Variants in DSCAM observed in about 807,000 individuals in gnomAD.
The protein encoded by DSCAM is cell adhesion molecule DSCAM.
In DSCAM, 47 loss-of-function variants were observed where a neutral mutation model predicts 217.7. The observed-to-expected ratio is 0.22, with a 90% CI of 0.17 to 0.28. The LOEUF (loss-of-function observed/expected upper bound fraction) is 0.28, where lower values mean the gene tolerates loss of function less well. Among genes scored for constraint, DSCAM ranks in the 10% least tolerant of loss-of-function variants. The pLI is 1.00. For missense variants in DSCAM, 2,080 were observed against 2,618.3 expected (o/e 0.79, Z 4.49); for synonymous variants, 1,056 against 1,015.3 (o/e 1.04, Z -0.76).
chr21:40,282,712 T>C (rs923423803), intron 10 of DSCAM, among the ~76,000 whole-genome samples: 1 of 151,486 alleles, frequency 6.6e-6, no homozygotes, highest in African/African-American at 2.4e-5. Context: ...AAAATTTACA[T>C]GAATATCCAT....
At chr21:40,210,841 G>A (rs2091174899) in intron 11 of DSCAM, among the ~76,000 whole-genome samples, 1 of 152,168 alleles carries the variant, frequency 6.6e-6, no homozygotes, top group African/African-American at 2.4e-5. Context: ...CACTGCACCT[G>A]GCCACCTTCA....
intron 4 of DSCAM, among the ~76,000 whole-genome samples, chr21:40,357,851 T>G (rs1473087928): frequency 9.7e-6 from 1 of 103,088 alleles, no homozygotes; most frequent in Non-Finnish European, 1.9e-5. Context: ...CCCTAAAACT[T>G]AAAGTATAAT....
intron 32 of DSCAM, among the ~76,000 whole-genome samples, chr21:40,017,701 A>G (rs146280221): frequency 1.8e-4 from 27 of 151,834 alleles, no homozygotes; most frequent in Non-Finnish European, 3.5e-4. Flanking sequence ...ACAGGCATGC[A>G]CCACCACGCC....
At chr21:40,717,428 C>A (rs969096558) in intron 1 of DSCAM, among the ~76,000 whole-genome samples, 1 of 152,212 alleles carries the variant, frequency 6.6e-6, no homozygotes, top group Non-Finnish European at 1.5e-5. Flanking sequence ...GTGGAAACAG[C>A]CTACATGTCT....
chr21:40,642,500 T>C (rs1292110907), intron 3 of DSCAM, among the ~76,000 whole-genome samples: 1 of 152,186 alleles, frequency 6.6e-6, no homozygotes, highest in African/African-American at 2.4e-5. Context: ...TGCCCCCAGT[T>C]ACAGGAGTTT....
At chr21:40,113,976 G>A (rs984970117) in intron 20 of DSCAM, among the ~76,000 whole-genome samples, 13 of 151,880 alleles carry the variant, frequency 8.6e-5, no homozygotes, top group African/African-American at 3.1e-4. Context: ...TTGTGAAAAT[G>A]GCCATACTGC....
At chr21:40,823,206 TGTG>T (rs1463636161) in intron 1 of DSCAM, among the ~76,000 whole-genome samples, 2 of 9,836 alleles carry the variant, frequency 2.0e-4, no homozygotes, top group African/African-American at 7.9e-4. Context: ...ACATACATTG[TGTG>T]TGTGTGTGTG....
intron 32 of DSCAM, among the ~76,000 whole-genome samples, chr21:40,030,973 C>T (rs1186980752): frequency 1.3e-5 from 2 of 152,172 alleles, no homozygotes; most frequent in African/African-American, 2.4e-5. Flanking sequence ...GAGGCCATCC[C>T]CTGTACCTCT....
At chr21:40,361,536 T>C (rs1488186260) in intron 4 of DSCAM, among the ~76,000 whole-genome samples, 1 of 152,114 alleles carries the variant, frequency 6.6e-6, no homozygotes, top group Non-Finnish European at 1.5e-5. Flanking sequence ...GGGGAATCAC[T>C]TGAACCCGGG....
chr21:40,137,371 G>T (rs1192206701), intron 18 of DSCAM, among the ~76,000 whole-genome samples: 4 of 151,874 alleles, frequency 2.6e-5, no homozygotes, highest in Non-Finnish European at 5.9e-5. Context: ...AGCCACAGTT[G>T]GCTCTATCTG....
rs952305375 is a variant in DSCAM at position 40,762,580 on chromosome 21, G to GA, written c.44-53810dup. ...CCTTCTGAAATTATTTCAAACAATA[G>GA]AAAAAAAGGGACTCCTCCCTAACTC... On this transcript the variant is annotated intron_variant, in intron 1 of 32. Transcript: ENST00000400454. Among the ~76,000 whole-genome samples the GA allele has an allele frequency of 1.4e-3, 216 of 151,832 alleles. 1 individual carries two copies. Among genetic ancestry groups the GA allele is most frequent in the African/African-American group, 5.0e-3 (209 of 41,390 alleles).
At chr21:40,735,791 A>T (rs1050208921) in intron 1 of DSCAM, among the ~76,000 whole-genome samples, 3 of 152,336 alleles carry the variant, frequency 2.0e-5, no homozygotes, top group Admixed American at 2.0e-4. Context: ...CATTTCTGAT[A>T]CCAAATGGGC....
At chr21:40,019,536 T>C (rs148236408) in intron 32 of DSCAM, among the ~76,000 whole-genome samples, 1 of 152,318 alleles carries the variant, frequency 6.6e-6, no homozygotes, top group East Asian at 1.9e-4. Context: ...AGCAGGGCCT[T>C]CTTGGGTGTG....
chr21:40,283,119 G>T (rs890219412), intron 10 of DSCAM, among the ~76,000 whole-genome samples: 4 of 152,176 alleles, frequency 2.6e-5, no homozygotes, highest in African/African-American at 9.7e-5. Flanking sequence ...TGTTTAATTG[G>T]AGGGAAGTAG....
At position 40,426,913 on chromosome 21, in the gene DSCAM, G is replaced by GA. The variant is rs201523436; in HGVS notation, c.509-57669dup. On this transcript the variant is annotated intron_variant, in intron 3 of 32. Coordinates refer to ENST00000400454, the MANE Select transcript of DSCAM (RefSeq NM_001389.5). ...TTCATTGGTACTTGGCTAACACTTT[G>GA]AAAAAAAAATCTAGTGTGCAAGGGT... is the stretch of plus-strand genomic sequence containing the variant. Among the ~76,000 whole-genome samples, 424 of 151,100 alleles carry GA rather than the reference G, an allele frequency of 2.8e-3. 1 individual carries two copies. The highest frequency in any genetic ancestry group is 0.017 in the Middle Eastern group (5 of 290).
intron 3 of DSCAM, among the ~76,000 whole-genome samples, chr21:40,499,953 G>C (rs2076158233): frequency 6.6e-6 from 1 of 151,998 alleles, no homozygotes; most frequent in Non-Finnish European, 1.5e-5. Flanking sequence ...GCTAATTTTT[G>C]TATTTTTAGT....
chr21:40,845,580 T>A lies in DSCAM; in HGVS notation c.43+1039A>T, dbSNP rs2092138557. On this transcript the variant is annotated intron_variant, in intron 1 of 32. Coordinates refer to ENST00000400454, the MANE Select transcript of DSCAM (RefSeq NM_001389.5). Reference sequence around the variant, plus strand: ...CTCTCTCTCTCTCTCTGTCTCTGTGTCTGTCTCGCTCTCTCTCCCTCCTCT... The same window carrying A: ...CTCTCTCTCTCTCTCTGTCTCTGTGACTGTCTCGCTCTCTCTCCCTCCTCT... Among the ~76,000 whole-genome samples the A allele has an allele frequency of 2.6e-5, 4 of 151,624 alleles. No individual in the cohort carries two copies. The South Asian group carries it at 8.4e-4, about 32-fold the overall frequency.
At chr21:40,304,663 G>A (rs1387011678) in intron 9 of DSCAM, among the ~76,000 whole-genome samples, 1 of 152,210 alleles carries the variant, frequency 6.6e-6, no homozygotes, top group African/African-American at 2.4e-5. Context: ...AAACACCGGA[G>A]ACTGTTGTGG....
chr21:40,514,002 C>T (rs887713902), intron 3 of DSCAM, among the ~76,000 whole-genome samples: 2 of 152,152 alleles, frequency 1.3e-5, no homozygotes, highest in African/African-American at 2.4e-5. Flanking sequence ...ATAAGCAATG[C>T]AGTGACAGAT....
Sources: gnomAD v4.1 joint callset for allele counts (sites outside exome capture counted in the v4.1 genomes callset) on GRCh38, gnomAD v4.1.1 for gene constraint, MANE v1.5 for transcripts, NCBI Gene and HGNC (gene_info 2026-07-23, HGNC 2026-07-21) for gene names.